PCDHA3: variants seen among roughly 807,000 people sequenced by gnomAD.
PCDHA3 encodes the protein protocadherin alpha-3.
PCDHA3 carries 41 observed loss-of-function variants against 62.2 expected under a neutral mutation model. The ratio of observed to expected loss-of-function variants is 0.66; its 90% confidence interval spans 0.51 to 0.86. The LOEUF (loss-of-function observed/expected upper bound fraction) is 0.86, where lower values mean the gene tolerates loss of function less well. Among genes scored for constraint, PCDHA3 ranks in the 40% least tolerant of loss-of-function variants. The pLI, the probability that PCDHA3 is intolerant of heterozygous loss-of-function variation, is 0.00. For missense variants in PCDHA3, 1,304 were observed against 1,241.2 expected, an observed-to-expected ratio of 1.05 and a Z score of -0.76; for synonymous variants, 640 against 555.4, an observed-to-expected ratio of 1.15 and a Z score of -2.14.
At chr5:140,815,440 T>G (rs1765727094) in intron 1 of PCDHA3, 1 of 152,156 alleles carries the variant, frequency 6.6e-6, no homozygotes, top group Non-Finnish European at 1.5e-5. Context: ...GCATCTTTAC[T>G]ACAATCACAA....
At chr5:140,900,178 T>G (rs972449455) in intron 1 of PCDHA3, among the ~76,000 whole-genome samples, 1 of 152,238 alleles carries the variant, frequency 6.6e-6, no homozygotes, top group East Asian at 1.9e-4. Flanking sequence ...GCCTGGTTTA[T>G]GTCACTTATA....
At chr5:140,807,703 G>A (rs1554124212) in intron 1 of PCDHA3, 2 of 1,614,208 alleles carry the variant, frequency 1.2e-6, no homozygotes, top group South Asian at 1.1e-5. Flanking sequence ...CTTACAGACT[G>A]AGCCCAAATG....
In PCDHA3 at chr5:140,881,260, A is replaced by G. The variant is rs1223751140; in HGVS notation, c.2394+77669A>G. The G allele has an allele frequency of 7.6e-6, 4 of 528,232 alleles. No individual in the cohort carries two copies. In the African/African-American group the frequency reaches 8.2e-5, roughly 11 times the overall value. The allele number at this position is 528,232 out of a possible 1,614,324, so 32.7% of individuals were successfully genotyped here. On this transcript the variant is annotated intron_variant, in intron 1 of 3. Transcript: ENST00000522353. ...TTTAAATGACGGCAAGGTTTTACTC[A>G]GTGATGATGAAGTAAGATGGAGAGA... is the stretch of plus-strand genomic sequence containing the variant.
chr5:141,010,432 CAA>C lies in PCDHA3; in HGVS notation c.*497_*498del. The C allele has an allele frequency of 8.5e-6, 9 of 1,056,970 alleles. No individual in the cohort carries two copies. The highest frequency in any genetic ancestry group is 1.2e-5 in the Non-Finnish European group (9 of 756,282). 65.5% of individuals were successfully genotyped at this position (1,056,970 alleles called of 1,614,324 possible). A position where few individuals can be genotyped will look rare whatever the true frequency, so the allele number is the denominator to read the frequency against. On this transcript the variant is annotated 3_prime_UTR_variant, in exon 4 of 4. Coordinates refer to ENST00000522353, the MANE Select transcript of PCDHA3 (RefSeq NM_018906.3). Reference sequence around the variant, plus strand: ...AATTGGTACAAGGAAGGCAAGAAAACAAAGACAAATAAACAGCGGAAGTTATC... The same window carrying C: ...AATTGGTACAAGGAAGGCAAGAAAACAGACAAATAAACAGCGGAAGTTATC...
chr5:140,874,505 T>C (rs550206385), intron 1 of PCDHA3, among the ~76,000 whole-genome samples: 1 of 152,366 alleles, frequency 6.6e-6, no homozygotes, highest in African/African-American at 2.4e-5. Context: ...GTTCACATTC[T>C]CTTGACTTTA....
intron 1 of PCDHA3, among the ~76,000 whole-genome samples, chr5:140,895,742 G>T (rs2065139471): frequency 6.6e-6 from 1 of 152,110 alleles, no homozygotes; most frequent in South Asian, 2.1e-4. Context: ...GGGCTGCAAA[G>T]GGCATGATCT....
intron 1 of PCDHA3, among the ~76,000 whole-genome samples, chr5:140,935,193 G>A (rs782043966): frequency 3.3e-5 from 5 of 152,122 alleles, no homozygotes; most frequent in Non-Finnish European, 4.4e-5. Flanking sequence ...GTCAGTTGCT[G>A]TTTCTAGGTA....
At chr5:141,000,757 C>A (rs1236279352) in intron 3 of PCDHA3, among the ~76,000 whole-genome samples, 1 of 151,158 alleles carries the variant, frequency 6.6e-6, no homozygotes, top group Non-Finnish European at 1.5e-5. Flanking sequence ...AAAAAAAAAT[C>A]TTAGCCAGGC....
In PCDHA3 at chr5:141,009,709, C is replaced by A; in HGVS notation, c.2625C>A (p.Asn875Lys). The A allele has an allele frequency of 6.2e-7, 1 of 1,614,118 alleles. No homozygotes were observed. Among genetic ancestry groups the A allele is most frequent in the Non-Finnish European group, 8.5e-7 (1 of 1,180,024 alleles). Reference sequence around the variant, plus strand: ...GGACCTTTAAATACGGACCAGGCAACCCCAAACAATCCGGTCCCGGTGAGT... The same window carrying A: ...GGACCTTTAAATACGGACCAGGCAAACCCAAACAATCCGGTCCCGGTGAGT... ...NSWTFKYGPG[N>K]PKQSGPGELP... is the part of the protein sequence containing the mutation. The change falls in exon 4 of 4, where the codon AAC (asparagine) becomes AAA (lysine). Residue 875 changes from asparagine (N) to lysine (K), a missense_variant. Physicochemically the swap from Asn to Lys is moderately conservative, Grantham distance 94. Transcript: ENST00000522353.
intron 1 of PCDHA3, chr5:140,868,981 G>A: frequency 2.0e-6 from 3 of 1,492,274 alleles, no homozygotes; most frequent in South Asian, 2.8e-5. Flanking sequence ...CATCATACCG[G>A]ATGCCACCGT....
intron 1 of PCDHA3, among the ~76,000 whole-genome samples, chr5:140,946,626 A>G (rs2093985217): frequency 7.5e-6 from 1 of 132,480 alleles, no homozygotes; most frequent in Non-Finnish European, 1.6e-5. Context: ...ATATATATAT[A>G]TATATACAAT....
rs1021823272 is a variant in PCDHA3, at chr5:140,866,632, C to T, written c.2394+63041C>T. ...GGAGAACCTCCTGGGGTTCTGACAA[C>T]GGTGTCAAAATTTATTTATGTGTTT... On this transcript the variant is annotated intron_variant, in intron 1 of 3. Coordinates refer to ENST00000522353, the MANE Select transcript of PCDHA3 (RefSeq NM_018906.3). 22 of 152,178 alleles carry T rather than the reference C, an allele frequency of 1.4e-4. No homozygotes were observed. In the South Asian group the frequency reaches 2.9e-3, roughly 20 times the overall value. The allele number at this position is 152,178 out of a possible 1,614,324, so 9.4% of individuals were successfully genotyped here.
intron 1 of PCDHA3, chr5:140,875,542 T>A: frequency 6.2e-7 from 1 of 1,614,134 alleles, no homozygotes; most frequent in Non-Finnish European, 8.5e-7. Flanking sequence ...CCTTGCAGCC[T>A]GGGAGGTGGG....
At chr5:140,808,666 G>A (rs1409073063) in intron 1 of PCDHA3, 2 of 1,612,962 alleles carry the variant, frequency 1.2e-6, no homozygotes, top group East Asian at 2.2e-5. Context: ...TGTCCTACTC[G>A]CTGGTAGAGC....
intron 1 of PCDHA3, chr5:140,928,542 C>A: frequency 6.2e-7 from 1 of 1,614,158 alleles, no homozygotes; most frequent in Non-Finnish European, 8.5e-7. Flanking sequence ...ATAGGAATGA[C>A]AATTATCCGG....
chr5:140,828,274 G>A (rs1554131158), intron 1 of PCDHA3: 4 of 1,613,956 alleles, frequency 2.5e-6, no homozygotes, highest in African/African-American at 1.3e-5. Flanking sequence ...AGCTGGTGCC[G>A]CGCCTGTTCA....
intron 1 of PCDHA3, chr5:140,830,356 G>A (rs1771016173): frequency 1.2e-6 from 2 of 1,614,144 alleles, no homozygotes; most frequent in East Asian, 2.2e-5. Flanking sequence ...AGCAGAGGCG[G>A]CAGAGGGTGT....
intron 1 of PCDHA3, among the ~76,000 whole-genome samples, chr5:140,955,285 G>T (rs2095164466): frequency 6.6e-6 from 1 of 151,896 alleles, no homozygotes; most frequent in Non-Finnish European, 1.5e-5. Context: ...ATATTGATAT[G>T]GTTTGGCTGT....
At chr5:140,891,052 A>T (rs1554184638) in intron 1 of PCDHA3, among the ~76,000 whole-genome samples, 1 of 152,200 alleles carries the variant, frequency 6.6e-6, no homozygotes, top group Non-Finnish European at 1.5e-5. Flanking sequence ...CCCACAGCAC[A>T]TAGTAAATAT....
Sources: gnomAD v4.1 joint callset for allele counts (sites outside exome capture counted in the v4.1 genomes callset) on GRCh38, gnomAD v4.1.1 for gene constraint, MANE v1.5 for transcripts, NCBI Gene and HGNC (gene_info 2026-07-23, HGNC 2026-07-21) for gene names.